DAP: variants seen among roughly 807,000 people sequenced by gnomAD.
DAP encodes death-associated protein 1.
In DAP, 8 loss-of-function variants were observed where a neutral mutation model predicts 13.8. That is an observed-to-expected ratio of 0.58 (90% CI 0.34 to 1.05). DAP has a LOEUF of 1.05. Ranked by LOEUF, DAP falls within the 50% of genes least tolerant of loss-of-function variation. The pLI, the probability that DAP is intolerant of heterozygous loss-of-function variation, is 0.03. For missense variants in DAP, 106 were observed against 133.2 expected (o/e 0.80, Z 1.01); for synonymous variants, 47 against 47.5 (o/e 0.99, Z 0.04).
intron 2 of DAP, among the ~76,000 whole-genome samples, chr5:10,728,007 T>C (rs903053640): frequency 6.6e-6 from 1 of 152,198 alleles, no homozygotes; most frequent in African/African-American, 2.4e-5. Flanking sequence ...GATGCAATCA[T>C]CCATTTTTTT....
At chr5:10,754,579 G>A (rs1740131930) in intron 1 of DAP, among the ~76,000 whole-genome samples, 1 of 152,174 alleles carries the variant, frequency 6.6e-6, no homozygotes, top group South Asian at 2.1e-4. Context: ...CATAGTTTCT[G>A]ACCCAAAGGA....
chr5:10,693,124 G>GCGCACA (rs144761533), intron 2 of DAP, among the ~76,000 whole-genome samples: 1 of 148,868 alleles, frequency 6.7e-6, no homozygotes, highest in Admixed American at 6.7e-5. Flanking sequence ...ACATGCACAC[G>GCGCACA]CACACACACA....
chr5:10,741,219 G>T (rs1739747083), intron 2 of DAP, among the ~76,000 whole-genome samples: 1 of 152,196 alleles, frequency 6.6e-6, no homozygotes, highest in Non-Finnish European at 1.5e-5. Context: ...TGAGCGTGGT[G>T]GTGTACACCT....
intron 2 of DAP, among the ~76,000 whole-genome samples, chr5:10,711,947 C>T (rs2126652431): frequency 6.6e-6 from 1 of 152,318 alleles, no homozygotes; most frequent in Non-Finnish European, 1.5e-5. Context: ...AAGTGAGAGG[C>T]TGTTCTGGCT....
At chr5:10,693,615 T>C (rs942266497) in intron 2 of DAP, among the ~76,000 whole-genome samples, 3 of 152,176 alleles carry the variant, frequency 2.0e-5, no homozygotes, top group Non-Finnish European at 2.9e-5. Flanking sequence ...TGCCCAAGGG[T>C]TGCACAGTAA....
intron 2 of DAP, among the ~76,000 whole-genome samples, chr5:10,694,407 C>CAT (rs1738383816): frequency 6.6e-6 from 1 of 152,006 alleles, no homozygotes; most frequent in Non-Finnish European, 1.5e-5. Context: ...CACACACACA[C>CAT]ACGCACATAC....
intron 2 of DAP, among the ~76,000 whole-genome samples, chr5:10,738,393 T>C (rs549830460): frequency 2.5e-4 from 38 of 152,354 alleles, no homozygotes; most frequent in African/African-American, 8.7e-4. Context: ...AGATGCCATC[T>C]TAACTGAACA....
intron 2 of DAP, among the ~76,000 whole-genome samples, chr5:10,741,596 T>C (rs1485865778): frequency 1.3e-5 from 2 of 152,246 alleles, no homozygotes; most frequent in Admixed American, 1.3e-4. Context: ...GTAGACTAGT[T>C]TCTGAAGGCA....
rs116724716 is a variant in DAP at position 10,749,894 on chromosome 5, C to T, written c.56-1623G>A. Among the ~76,000 whole-genome samples the T allele has an allele frequency of 3.0e-3, 461 of 152,236 alleles. 2 individuals carry two copies. The highest frequency in any genetic ancestry group is 8.5e-3 in the South Asian group (41 of 4,824). ...CACCAGCATGTGTTTGGGGTCGGCA[C>T]GTTCCTCCACGCCCTCAGCTATGTG... On this transcript the variant is annotated intron_variant, in intron 1 of 3. Transcript: ENST00000230895.
At chr5:10,698,882 T>C (rs923529044) in intron 2 of DAP, among the ~76,000 whole-genome samples, 2 of 152,014 alleles carry the variant, frequency 1.3e-5, no homozygotes, top group African/African-American at 4.8e-5. Context: ...AAGACTTGGG[T>C]TTTAGAGCAA....
At chr5:10,701,271 A>G (rs2126645310) in intron 2 of DAP, among the ~76,000 whole-genome samples, 1 of 152,364 alleles carries the variant, frequency 6.6e-6, no homozygotes, top group East Asian at 1.9e-4. Flanking sequence ...TGAAGATGGA[A>G]CAGGAGCACT....
intron 2 of DAP, among the ~76,000 whole-genome samples, chr5:10,700,140 A>G (rs886174963): frequency 2.6e-5 from 4 of 152,188 alleles, no homozygotes; most frequent in African/African-American, 9.7e-5. Context: ...CTCAATGGAA[A>G]CTTTCCACTA....
intron 2 of DAP, among the ~76,000 whole-genome samples, chr5:10,690,178 C>T (rs531068302): frequency 3.3e-5 from 5 of 152,286 alleles, no homozygotes; most frequent in South Asian, 2.1e-4. Context: ...AGAGGCGACT[C>T]GGCGGGAAGT....
At chr5:10,708,442 G>GAC (rs3836780) in intron 2 of DAP, among the ~76,000 whole-genome samples, 2,378 of 147,786 alleles carry the variant, frequency 0.016, 34 homozygotes, top group African/African-American at 0.036. Context: ...ACACATATCA[G>GAC]ACACACACAC....
Position 10,679,906 on chromosome 5 carries a change from T to C in DAP, c.*1150A>G, listed in dbSNP as rs1737938143. 1 of 152,376 alleles carries C rather than the reference T, an allele frequency of 6.6e-6. No individual in the cohort carries two copies. The highest frequency in any genetic ancestry group is 2.4e-5 in the African/African-American group (1 of 41,448). 9.4% of individuals were successfully genotyped at this position (152,376 alleles called of 1,614,324 possible). On this transcript the variant is annotated 3_prime_UTR_variant, in exon 4 of 4. Transcript: ENST00000230895. ...GGACAGTCAGGCCCTCCACAAGCACTGTTCTGGAGTTTCGTCTGACTAGGT... is the reference window on the plus strand; with the variant it reads ...GGACAGTCAGGCCCTCCACAAGCACCGTTCTGGAGTTTCGTCTGACTAGGT...
chr5:10,685,522 G>T (rs1738134760), intron 2 of DAP, among the ~76,000 whole-genome samples: 1 of 152,164 alleles, frequency 6.6e-6, no homozygotes, highest in Admixed American at 6.5e-5. Context: ...AAAAGATTTG[G>T]AAAGGAATAC....
chr5:10,722,011 G>A (rs1739156179), intron 2 of DAP, among the ~76,000 whole-genome samples: 1 of 152,154 alleles, frequency 6.6e-6, no homozygotes, highest in African/African-American at 2.4e-5. Context: ...AAGGATAGTT[G>A]TATTATGTTA....
chr5:10,688,353 C>T (rs563399511), intron 2 of DAP, among the ~76,000 whole-genome samples: 7 of 152,254 alleles, frequency 4.6e-5, no homozygotes, highest in African/African-American at 1.7e-4. Context: ...CTCAGATGAT[C>T]ATTAGCATAC....
intron 2 of DAP, among the ~76,000 whole-genome samples, chr5:10,712,101 C>T (rs974498227): frequency 6.6e-6 from 1 of 152,086 alleles, no homozygotes; most frequent in African/African-American, 2.4e-5. Flanking sequence ...GACCCTCACC[C>T]AATATGATTG....
Sources: gnomAD v4.1 joint callset for allele counts (sites outside exome capture counted in the v4.1 genomes callset) on GRCh38, gnomAD v4.1.1 for gene constraint, MANE v1.5 for transcripts, NCBI Gene and HGNC (gene_info 2026-07-23, HGNC 2026-07-21) for gene names.